Variants in PALLD observed in about 807,000 individuals in gnomAD.
The protein encoded by PALLD is palladin, cytoskeletal associated protein.
In PALLD, 61 loss-of-function variants were observed where a neutral mutation model predicts 123.5. That is an observed-to-expected ratio of 0.49 (90% confidence interval 0.40 to 0.61). PALLD has a LOEUF of 0.61. Ranked by LOEUF, PALLD falls within the 20% of genes least tolerant of loss-of-function variation. The pLI is 0.00. For missense variants in PALLD, 1,273 were observed against 1,377.0 expected (o/e 0.92, Z 1.20); for synonymous variants, 465 against 496.4 (o/e 0.94, Z 0.84).
chr4:168,583,346 T>A (rs1770483558), intron 2 of PALLD, among the ~76,000 whole-genome samples: 2 of 152,160 alleles, frequency 1.3e-5, no homozygotes, highest in South Asian at 4.1e-4. Context: ...AACTAAAAAA[T>A]TTTATTCTAG....
intron 10 of PALLD, among the ~76,000 whole-genome samples, chr4:168,773,505 G>A (rs1734733799): frequency 6.6e-6 from 1 of 152,182 alleles, no homozygotes; most frequent in African/African-American, 2.4e-5. Context: ...TGCTGTTCAG[G>A]TGTGATCTCA....
intron 3 of PALLD, among the ~76,000 whole-genome samples, chr4:168,680,985 G>A (rs75091198): frequency 0.018 from 2,709 of 152,244 alleles, 63 homozygotes; most frequent in African/African-American, 0.057. Flanking sequence ...GTTTAAAAGC[G>A]TGGGTATTCT....
intron 10 of PALLD, among the ~76,000 whole-genome samples, chr4:168,779,710 G>A (rs928945675): frequency 6.6e-6 from 1 of 152,088 alleles, no homozygotes; most frequent in East Asian, 1.9e-4. Flanking sequence ...TATAAAAGTT[G>A]CTATAACATT....
chr4:168,571,492 C>G (rs748887848), intron 2 of PALLD, among the ~76,000 whole-genome samples: 7 of 152,126 alleles, frequency 4.6e-5, no homozygotes, highest in Non-Finnish European at 8.8e-5. Flanking sequence ...ATCAACCATT[C>G]AATTAGAAGT....
intron 10 of PALLD, among the ~76,000 whole-genome samples, chr4:168,863,352 G>A (rs1026606415): frequency 3.3e-5 from 5 of 152,122 alleles, no homozygotes; most frequent in African/African-American, 4.8e-5. Flanking sequence ...ACAGCTCCGC[G>A]CAGATCTCAC....
intron 2 of PALLD, among the ~76,000 whole-genome samples, chr4:168,658,996 G>T (rs910094940): frequency 1.3e-5 from 2 of 152,204 alleles, no homozygotes; most frequent in African/African-American, 4.8e-5. Context: ...ACTTCGGTCT[G>T]CCTATAAGTC....
chr4:168,791,120 C>G (rs1007673765), intron 10 of PALLD, among the ~76,000 whole-genome samples: 1 of 152,170 alleles, frequency 6.6e-6, no homozygotes, highest in Non-Finnish European at 1.5e-5. Flanking sequence ...CCACTAGGGC[C>G]CAGGAGGAAG....
At chr4:168,882,988 G>C (rs577005796) in intron 10 of PALLD, among the ~76,000 whole-genome samples, 4 of 151,912 alleles carry the variant, frequency 2.6e-5, no homozygotes, top group Admixed American at 2.6e-4. Context: ...TACTTGGGAG[G>C]GCTGAGGCAG....
chr4:168,515,577 G>C (rs1370887759), intron 2 of PALLD, among the ~76,000 whole-genome samples: 14 of 152,218 alleles, frequency 9.2e-5, no homozygotes, highest in Admixed American at 9.2e-4. Flanking sequence ...GGAGGTAAGT[G>C]AGGTATGGTG....
chr4:168,699,363 GT>G (rs1426362735), intron 8 of PALLD, among the ~76,000 whole-genome samples: 1 of 152,172 alleles, frequency 6.6e-6, no homozygotes, highest in Non-Finnish European at 1.5e-5. Flanking sequence ...ACAGGCGTGA[GT>G]TACTGCACCC....
intron 10 of PALLD, among the ~76,000 whole-genome samples, chr4:168,880,689 G>A (rs1051896499): frequency 6.6e-6 from 1 of 152,180 alleles, no homozygotes; most frequent in Non-Finnish European, 1.5e-5. Context: ...TTGGCATCCT[G>A]GAACTTGCAG....
In PALLD at chr4:168,518,082, A is replaced by G. The variant is rs150111170; in HGVS notation, c.908+5670A>G. Among the ~76,000 whole-genome samples, 231 of 152,210 alleles carry G rather than the reference A, an allele frequency of 1.5e-3. 1 individual carries two copies. The highest frequency in any genetic ancestry group is 5.4e-3 in the African/African-American group (225 of 41,540). ...CTCTTTCCAAATCTTCTCCATGTCA[A>G]CAAAAGACAACCCTCCTTCCAGCTG... is the stretch of plus-strand genomic sequence containing the variant. On this transcript the variant is annotated intron_variant, in intron 2 of 21. Transcript: ENST00000505667.
chr4:168,809,085 G>T (rs192945662), intron 10 of PALLD, among the ~76,000 whole-genome samples: 1 of 152,122 alleles, frequency 6.6e-6, no homozygotes, highest in African/African-American at 2.4e-5. Flanking sequence ...AAGCATTTGT[G>T]GGTGAGTTTC....
chr4:168,499,819 A>G (rs1182271742), intron 1 of PALLD, among the ~76,000 whole-genome samples: 1 of 152,228 alleles, frequency 6.6e-6, no homozygotes, highest in Non-Finnish European at 1.5e-5. Context: ...AATGTGGTAC[A>G]TGGTATTAAG....
intron 2 of PALLD, among the ~76,000 whole-genome samples, chr4:168,664,467 C>A (rs1342222249): frequency 6.6e-6 from 1 of 152,166 alleles, no homozygotes; most frequent in African/African-American, 2.4e-5. Flanking sequence ...ATGATTGGTG[C>A]TTGTAAACCA....
rs1233750183 is a variant in PALLD, at chr4:168,903,784, A to C, written c.2500A>C (p.Ile834Leu). Residue 834 changes from isoleucine to leucine, a missense_variant, in exon 15 of 22, where the codon ATC becomes CTC. Physicochemically the swap from Ile to Leu is conservative, Grantham distance 5. Around this residue, in one of 2 missense-constraint regions of PALLD, gnomAD observed 329 missense variants for 422.5 expected, o/e 0.78. Coordinates refer to ENST00000505667, the MANE Select transcript of PALLD (RefSeq NM_001166108.2). ...CTATTGGTTTAAAGATGGGAAGCAG[A>C]TCTCTCCAAAGAGTGATCACTACAC... ...KIYWFKDGKQ[I>L]SPKSDHYTIQ... 6.2e-7 allele frequency: 1 copy of C among 1,613,028 alleles called. No individual in the cohort carries two copies. Among genetic ancestry groups the C allele is most frequent in the Non-Finnish European group, 8.5e-7 (1 of 1,179,034 alleles).
intron 10 of PALLD, among the ~76,000 whole-genome samples, chr4:168,863,580 T>C (rs4616716): frequency 0.57 from 87,359 of 152,014 alleles, 28,582 homozygotes; most frequent in East Asian, 0.89. Context: ...AGTGTTCCAC[T>C]GATCCTACAT....
At chr4:168,595,351 A>T (rs1771870985) in intron 2 of PALLD, among the ~76,000 whole-genome samples, 1 of 152,162 alleles carries the variant, frequency 6.6e-6, no homozygotes, top group Non-Finnish European at 1.5e-5. Flanking sequence ...ACAGTGATCT[A>T]CTGAGATCTG....
At chr4:168,805,223 C>G (rs919013724) in intron 10 of PALLD, among the ~76,000 whole-genome samples, 1 of 151,902 alleles carries the variant, frequency 6.6e-6, no homozygotes, top group Non-Finnish European at 1.5e-5. Context: ...CTAAATTGCC[C>G]CTGCTGTGTA....
Sources: allele counts gnomAD v4.1 joint callset (sites outside exome capture counted in the v4.1 genomes callset), GRCh38; gene constraint gnomAD v4.1.1; regional missense constraint gnomAD v4.1.1; transcripts MANE v1.5; gene names NCBI Gene and HGNC (gene_info 2026-07-23, HGNC 2026-07-21).